The following CDK14 variants were observed in gnomAD, a reference collection of about 807,000 sequenced individuals.
CDK14 encodes the protein cyclin dependent kinase 14.
Under a neutral mutation model 60.7 loss-of-function variants are expected in CDK14, and 34 were observed. That is an observed-to-expected ratio of 0.56 (90% confidence interval 0.43 to 0.75). The LOEUF is 0.75. CDK14 is among the 30% of genes least tolerant of loss of function. The pLI, the probability that CDK14 is intolerant of heterozygous loss-of-function variation, is 0.00. For synonymous variants in CDK14, 197 were observed against 203.7 expected (o/e 0.97, Z 0.28); for missense variants, 482 against 564.1 (o/e 0.85, Z 1.47).
chr7:91,126,755 C>CA (rs1206917810), intron 14 of CDK14, among the ~76,000 whole-genome samples: 4 of 152,174 alleles, frequency 2.6e-5, no homozygotes, highest in Non-Finnish European at 5.9e-5. Flanking sequence ...TCAGCTGCCT[C>CA]AGAGACTTAA....
intron 11 of CDK14, among the ~76,000 whole-genome samples, chr7:91,059,411 C>A (rs1262367545): frequency 6.6e-5 from 10 of 152,108 alleles, no homozygotes; most frequent in African/African-American, 1.9e-4. Flanking sequence ...TCCTTCAGTT[C>A]TGCTCTGATC....
chr7:90,827,760 A>G (rs1789776581), intron 5 of CDK14, among the ~76,000 whole-genome samples: 1 of 152,222 alleles, frequency 6.6e-6, no homozygotes, highest in Non-Finnish European at 1.5e-5. Flanking sequence ...ATTCCCAGAA[A>G]CACTTTTAAA....
At chr7:90,831,792 A>G (rs774202724) in intron 5 of CDK14, among the ~76,000 whole-genome samples, 1 of 152,056 alleles carries the variant, frequency 6.6e-6, no homozygotes, top group Non-Finnish European at 1.5e-5. Flanking sequence ...ATTAGTCATA[A>G]TAGACTAATA....
intron 3 of CDK14, among the ~76,000 whole-genome samples, chr7:90,736,093 C>A (rs1803089767): frequency 1.3e-5 from 2 of 151,104 alleles, no homozygotes; most frequent in Non-Finnish European, 3.0e-5. Context: ...TCCCTTTACC[C>A]CTTGCGCTTC....
At chr7:90,985,169 C>G (rs1795338139) in intron 10 of CDK14, among the ~76,000 whole-genome samples, 2 of 152,080 alleles carry the variant, frequency 1.3e-5, no homozygotes, top group Admixed American at 6.6e-5. Context: ...TAAAACTATT[C>G]TAAAATTAAA....
At position 90,776,793 on chromosome 7, in the gene CDK14, C is replaced by T. The variant is rs565997095; in HGVS notation, c.465-13780C>T. Among the ~76,000 whole-genome samples, 23 of 152,240 alleles carry T rather than the reference C, an allele frequency of 1.5e-4. No individual in the cohort carries two copies. The South Asian group carries it at 4.8e-3, about 32-fold the overall frequency. ...AAGAAATTTGGAGTTGAAACTGTTT[C>T]ATCACTGTCCGTGATCTTTGAGGAT... On this transcript the variant is annotated intron_variant, in intron 4 of 14. Transcript: ENST00000380050.
chr7:91,077,595 C>T (rs1262279794), intron 11 of CDK14, among the ~76,000 whole-genome samples: 1 of 151,862 alleles, frequency 6.6e-6, no homozygotes, highest in Non-Finnish European at 1.5e-5. Flanking sequence ...ACCACCATGG[C>T]ACAAGTATAC....
intron 12 of CDK14, among the ~76,000 whole-genome samples, chr7:91,096,053 A>G (rs1798975485): frequency 8.8e-6 from 1 of 113,248 alleles, no homozygotes; most frequent in African/African-American, 3.5e-5. Context: ...TATCTATATT[A>G]CCACAATTTG....
chr7:90,752,208 A>G (rs1318845516), intron 4 of CDK14, among the ~76,000 whole-genome samples: 1 of 152,146 alleles, frequency 6.6e-6, no homozygotes, highest in Non-Finnish European at 1.5e-5. Context: ...CCACTCATCA[A>G]CCACAGAATA....
At chr7:90,634,129 TTTC>T (rs1186185246) in intron 2 of CDK14, among the ~76,000 whole-genome samples, 1 of 152,076 alleles carries the variant, frequency 6.6e-6, no homozygotes, top group Non-Finnish European at 1.5e-5. Context: ...CTTTTATGAT[TTTC>T]TTTTTTTTAA....
At chr7:91,165,619 G>A (rs189315990) in intron 14 of CDK14, among the ~76,000 whole-genome samples, 6 of 152,130 alleles carry the variant, frequency 3.9e-5, no homozygotes, top group African/African-American at 1.4e-4. Context: ...TCATAGAGCA[G>A]AAACACCAAG....
At chr7:91,108,549 C>T (rs1036123663) in intron 12 of CDK14, among the ~76,000 whole-genome samples, 1 of 152,088 alleles carries the variant, frequency 6.6e-6, no homozygotes, top group African/African-American at 2.4e-5. Flanking sequence ...CAGTCTATGC[C>T]TTCTGTGATT....
At chr7:91,125,334 T>G (rs1799909135) in intron 14 of CDK14, among the ~76,000 whole-genome samples, 1 of 152,080 alleles carries the variant, frequency 6.6e-6, no homozygotes, top group South Asian at 2.1e-4. Context: ...GTAATGAAAA[T>G]TGCAACCTGA....
chr7:90,610,336 A>G (rs1195947260), intron 2 of CDK14, among the ~76,000 whole-genome samples: 2 of 152,066 alleles, frequency 1.3e-5, no homozygotes, highest in African/African-American at 4.8e-5. Context: ...CTATAAATAA[A>G]TTTATCATTT....
At chr7:91,147,288 G>C (rs1338812543) in intron 14 of CDK14, among the ~76,000 whole-genome samples, 1 of 146,646 alleles carries the variant, frequency 6.8e-6, no homozygotes, top group Non-Finnish European at 1.5e-5. Context: ...TTTCTTTTTT[G>C]AGTGTACTCT....
In CDK14 at chr7:90,863,795, T is replaced by C. The variant is rs142899492; in HGVS notation, c.639+526T>C. On this transcript the variant is annotated intron_variant, in intron 6 of 14. Transcript: ENST00000380050. ...CTATTAATTAGAACTTCCAATTGCA[T>C]AGTACACAATGTAATGATCTTCTTA... 9.2e-5 allele frequency among the ~76,000 whole-genome samples: 14 copies of C among 152,106 alleles called. No individual in the cohort carries two copies. The East Asian group carries it at 2.7e-3, about 29-fold the overall frequency.
In CDK14 at chr7:90,801,369, T is replaced by C. The variant is rs549327166; in HGVS notation, c.544+10717T>C. Among the ~76,000 whole-genome samples the C allele has an allele frequency of 7.2e-5, 11 of 152,348 alleles. 1 individual carries two copies. In the South Asian group the frequency reaches 2.3e-3, roughly 32 times the overall value. On this transcript the variant is annotated intron_variant, in intron 5 of 14. Coordinates refer to ENST00000380050, the MANE Select transcript of CDK14 (RefSeq NM_001287135.2). ...TCCATATAGGCTCTTTTGTTATTGT[T>C]ATTCATTTATTTTTGTTTTCAAGCA... is the stretch of plus-strand genomic sequence containing the variant.
At chr7:90,815,987 A>T (rs1233462009) in intron 5 of CDK14, among the ~76,000 whole-genome samples, 2 of 152,164 alleles carry the variant, frequency 1.3e-5, no homozygotes, top group Non-Finnish European at 2.9e-5. Context: ...AAGACCTAGA[A>T]GATGGGTTGA....
chr7:91,201,439 A>G (rs2115997654), intron 14 of CDK14, among the ~76,000 whole-genome samples: 1 of 152,164 alleles, frequency 6.6e-6, no homozygotes, highest in East Asian at 1.9e-4. Flanking sequence ...CAAAATAATC[A>G]CTTCTCTCCA....
Sources: allele counts gnomAD v4.1 joint callset (sites outside exome capture counted in the v4.1 genomes callset), GRCh38; gene constraint gnomAD v4.1.1; transcripts MANE v1.5; gene names NCBI Gene and HGNC (gene_info 2026-07-23, HGNC 2026-07-21).